The following NEDD9 variants were observed in gnomAD, a reference collection of about 807,000 sequenced individuals.
NEDD9 encodes the protein neural precursor cell expressed, developmentally down-regulated 9.
A neutral mutation model predicts 76.6 loss-of-function variants in NEDD9; 26 were observed. That is an observed-to-expected ratio of 0.34 (90% CI 0.25 to 0.47). The LOEUF (loss-of-function observed/expected upper bound fraction) is 0.47. NEDD9 is among the 20% of genes least tolerant of loss of function. NEDD9 has a pLI of 1.00. For missense variants in NEDD9, 937 were observed against 1,058.5 expected (o/e 0.89, Z 1.59); for synonymous variants, 392 against 414.2 (o/e 0.95, Z 0.65).
chr6:11,380,028 T>C (rs1763034152), intron 1 of NEDD9, among the ~76,000 whole-genome samples: 1 of 152,222 alleles, frequency 6.6e-6, no homozygotes, highest in Non-Finnish European at 1.5e-5. Context: ...CATGGAGACA[T>C]GTCAAGCCTA....
At chr6:11,361,322 C>T (rs115132276) in intron 1 of NEDD9, among the ~76,000 whole-genome samples, 41 of 152,218 alleles carry the variant, frequency 2.7e-4, no homozygotes, top group African/African-American at 7.5e-4. Flanking sequence ...AATTGGCTCA[C>T]GGTTCTGCAG....
intron 3 of NEDD9, among the ~76,000 whole-genome samples, chr6:11,242,445 G>A (rs1188722396): frequency 6.6e-6 from 1 of 152,068 alleles, no homozygotes; most frequent in East Asian, 1.9e-4. Flanking sequence ...TCTTAGGAGG[G>A]GTGGAGAGTA....
intron 3 of NEDD9, among the ~76,000 whole-genome samples, chr6:11,287,963 C>T (rs1760685296): frequency 6.6e-6 from 1 of 152,182 alleles, no homozygotes; most frequent in African/African-American, 2.4e-5. Context: ...TTTGATGAAG[C>T]TGTCTATGGT....
At chr6:11,330,931 G>A (rs1204137456) in intron 2 of NEDD9, among the ~76,000 whole-genome samples, 1 of 152,074 alleles carries the variant, frequency 6.6e-6, no homozygotes, top group Non-Finnish European at 1.5e-5. Flanking sequence ...TCCGTAATCC[G>A]TTGTTTATCT....
In NEDD9 at chr6:11,259,676, A is replaced by C. The variant is rs573909892; in HGVS notation, c.13-45949T>G. ...TACACAGACAAGTATAGTCTGAAAC[A>C]TATTCATTCACTTCCCTTGGAGTTA... On this transcript the variant is annotated intron_variant, in intron 3 of 3. Transcript: ENST00000397378. 3.3e-5 allele frequency among the ~76,000 whole-genome samples: 5 copies of C among 152,310 alleles called. No individual in the cohort carries two copies. The East Asian group carries it at 9.6e-4, about 29-fold the overall frequency.
chr6:11,339,090 A>C (rs925690176), intron 1 of NEDD9, among the ~76,000 whole-genome samples: 7 of 152,124 alleles, frequency 4.6e-5, no homozygotes, highest in Non-Finnish European at 8.8e-5. Flanking sequence ...TTTCAGTCCC[A>C]GCTACCCAAT....
At chr6:11,192,312 C>T in intron 4 of NEDD9, 33 bp downstream of exon 4, 1 of 1,131,150 alleles carries the variant, frequency 8.8e-7, no homozygotes, top group South Asian at 1.4e-5. Flanking sequence ...CACACACACA[C>T]TCCTTTTTGC....
chr6:11,271,930 T>C (rs993977241), intron 3 of NEDD9: 2 of 152,260 alleles, frequency 1.3e-5, no homozygotes, highest in Admixed American at 6.5e-5. Context: ...ACTAGGCTCA[T>C]GTATTGAAAA....
chr6:11,325,706 GT>G (rs1379040039), intron 2 of NEDD9, among the ~76,000 whole-genome samples: 2 of 152,178 alleles, frequency 1.3e-5, no homozygotes, highest in Non-Finnish European at 2.9e-5. Flanking sequence ...AGCAGAGGTT[GT>G]TTTTGTTCCT....
chr6:11,191,315 GC>G, intron 4 of NEDD9, 110 bp from the exon 5 acceptor site: 1 of 1,132,864 alleles, frequency 8.8e-7, no homozygotes. Flanking sequence ...GCCCTCCCCC[GC>G]CCCAATGTTA....
At chr6:11,336,032 G>A (rs557551441) in intron 1 of NEDD9, among the ~76,000 whole-genome samples, 94 of 152,170 alleles carry the variant, frequency 6.2e-4, no homozygotes, top group African/African-American at 2.1e-3. Context: ...GGGCTCCCCC[G>A]CTTGAGACAC....
intron 1 of NEDD9, among the ~76,000 whole-genome samples, chr6:11,225,594 C>T (rs181507231): frequency 1.6e-3 from 240 of 152,240 alleles, no homozygotes; most frequent in African/African-American, 5.3e-3. Context: ...CTCCGCCTCC[C>T]GGGTTCAAGC....
chr6:11,374,400 T>C (rs1762937929), intron 1 of NEDD9, among the ~76,000 whole-genome samples: 1 of 152,178 alleles, frequency 6.6e-6, no homozygotes, highest in South Asian at 2.1e-4. Flanking sequence ...CATGTCCTGA[T>C]AGTGTGACAG....
chr6:11,259,238 C>G (rs1266382558), intron 3 of NEDD9: 1 of 152,196 alleles, frequency 6.6e-6, no homozygotes, highest in Non-Finnish European at 1.5e-5. Flanking sequence ...GTACCCTCCA[C>G]CTGGAGCCTG....
chr6:11,372,946 A>C (rs1173776295), intron 1 of NEDD9, among the ~76,000 whole-genome samples: 11 of 152,172 alleles, frequency 7.2e-5, no homozygotes, highest in African/African-American at 2.4e-4. Flanking sequence ...AAACAACATA[A>C]ACCAATGTCT....
chr6:11,296,006 T>G (rs1056717985), intron 3 of NEDD9, among the ~76,000 whole-genome samples: 3 of 151,972 alleles, frequency 2.0e-5, no homozygotes, highest in Admixed American at 6.5e-5. Flanking sequence ...ACAGAAGTAA[T>G]TAAGTTAAAA....
At chr6:11,309,795 T>C (rs1432966016) in intron 2 of NEDD9, among the ~76,000 whole-genome samples, 1 of 152,218 alleles carries the variant, frequency 6.6e-6, no homozygotes, top group Non-Finnish European at 1.5e-5. Flanking sequence ...GAGTTTCAAG[T>C]TGACTGCTAA....
chr6:11,363,098 A>G (rs537938750), intron 1 of NEDD9, among the ~76,000 whole-genome samples: 46 of 152,316 alleles, frequency 3.0e-4, no homozygotes, highest in African/African-American at 1.1e-3. Flanking sequence ...GTTGCAGTCA[A>G]TGACTTCATT....
intron 3 of NEDD9, among the ~76,000 whole-genome samples, chr6:11,268,035 T>G (rs1396810529): frequency 2.0e-5 from 3 of 152,112 alleles, no homozygotes; most frequent in Non-Finnish European, 4.4e-5. Flanking sequence ...TATAATATAC[T>G]TTTATTTTGT....
Sources: allele counts gnomAD v4.1 joint callset (sites outside exome capture counted in the v4.1 genomes callset), GRCh38; gene constraint gnomAD v4.1.1; transcripts MANE v1.5; gene names NCBI Gene and HGNC (gene_info 2026-07-23, HGNC 2026-07-21).